DENND6A: variants seen among roughly 807,000 people sequenced by gnomAD.
DENND6A encodes the protein protein DENND6A.
DENND6A carries 43 observed loss-of-function variants against 95.5 expected under a neutral mutation model. That is an observed-to-expected ratio of 0.45 (90% confidence interval 0.35 to 0.58). The LOEUF is 0.58. Ranked by LOEUF, DENND6A falls within the 20% of genes least tolerant of loss-of-function variation. The pLI is 0.00. For missense variants in DENND6A, 574 were observed against 736.0 expected (o/e 0.78, Z 2.55); for synonymous variants, 257 against 260.4 (o/e 0.99, Z 0.13).
chr3:57,651,268 C>T (rs942565601), intron 9 of DENND6A, among the ~76,000 whole-genome samples: 14 of 152,154 alleles, frequency 9.2e-5, no homozygotes, highest in African/African-American at 3.4e-4. Context: ...ATATCAAAAA[C>T]GCACTTTCAA....
intron 12 of DENND6A, 24 bp downstream of exon 12, chr3:57,641,629 C>G: frequency 6.3e-7 from 1 of 1,590,534 alleles, no homozygotes; most frequent in South Asian, 1.1e-5. Context: ...ACACTAGAAA[C>G]AGAACACCAA....
Position 57,672,325 on chromosome 3 carries a change from T to TG in DENND6A, c.277-28dup, listed in dbSNP as rs1262185562. On this transcript the variant is annotated intron_variant, in intron 2 of 19. Coordinates refer to ENST00000311128, the MANE Select transcript of DENND6A (RefSeq NM_152678.3). ...TGAAAAAGAAAACAAAAGTGATGTA[T>TG]GCTGACACATACATAATCAATAAAA... is the stretch of plus-strand genomic sequence containing the variant. 10 of 1,610,642 alleles carry TG rather than the reference T, an allele frequency of 6.2e-6. No homozygotes were observed. The Admixed American group carries it at 1.3e-4, about 22-fold the overall frequency.
chr3:57,640,573 G>A (rs1489877036), intron 12 of DENND6A, among the ~76,000 whole-genome samples: 1 of 152,150 alleles, frequency 6.6e-6, no homozygotes, highest in Non-Finnish European at 1.5e-5. Flanking sequence ...GTGAGACTCT[G>A]TCACATAAAT....
At chr3:57,683,241 T>C (rs1489977212) in intron 1 of DENND6A, among the ~76,000 whole-genome samples, 2 of 152,196 alleles carry the variant, frequency 1.3e-5, no homozygotes, top group African/African-American at 4.8e-5. Flanking sequence ...AGAATTCAAA[T>C]AAACTAGACC....
At chr3:57,648,819 G>C (rs2071133471) in intron 9 of DENND6A, among the ~76,000 whole-genome samples, 1 of 152,172 alleles carries the variant, frequency 6.6e-6, no homozygotes, top group Non-Finnish European at 1.5e-5. Context: ...GCCACATGTA[G>C]AAGAATGAAA....
At chr3:57,682,836 C>T (rs2077178622) in intron 1 of DENND6A, among the ~76,000 whole-genome samples, 1 of 152,070 alleles carries the variant, frequency 6.6e-6, no homozygotes, top group Non-Finnish European at 1.5e-5. Context: ...ACATCCCGCC[C>T]GGCTAATTTT....
intron 1 of DENND6A, among the ~76,000 whole-genome samples, chr3:57,675,959 G>C (rs1448467297): frequency 6.6e-6 from 1 of 152,048 alleles, no homozygotes; most frequent in African/African-American, 2.4e-5. Flanking sequence ...AGGCCACCTG[G>C]TGGTACTAAT....
At chr3:57,662,179 T>A (rs575269115) in intron 5 of DENND6A, among the ~76,000 whole-genome samples, 55 of 115,716 alleles carry the variant, frequency 4.8e-4, no homozygotes, top group Non-Finnish European at 6.9e-4. Context: ...CTTTCTTTTC[T>A]TTTTTCTTTT....
At chr3:57,685,469 T>C (rs1286636848) in intron 1 of DENND6A, among the ~76,000 whole-genome samples, 4 of 152,152 alleles carry the variant, frequency 2.6e-5, no homozygotes, top group South Asian at 2.1e-4. Context: ...ACTTACTCAG[T>C]TGGACATCCC....
intron 1 of DENND6A, among the ~76,000 whole-genome samples, chr3:57,674,979 T>A (rs913752553): frequency 6.6e-6 from 1 of 151,922 alleles, no homozygotes; most frequent in Non-Finnish European, 1.5e-5. Flanking sequence ...TACTTGATGG[T>A]GGAGGGTGGG....
At chr3:57,678,076 A>T (rs1485782602) in intron 1 of DENND6A, among the ~76,000 whole-genome samples, 1 of 152,192 alleles carries the variant, frequency 6.6e-6, no homozygotes, top group East Asian at 1.9e-4. Flanking sequence ...TTATTTAGCC[A>T]TTCCTAAAGG....
Position 57,670,019 on chromosome 3 carries a change from C to CAA in DENND6A, c.319+2235_319+2236dup, listed in dbSNP as rs780880587. Among the ~76,000 whole-genome samples, 198 of 57,640 alleles carry CAA rather than the reference C, an allele frequency of 3.4e-3. 1 individual carries two copies. Among genetic ancestry groups the CAA allele is most frequent in the African/African-American group, 9.5e-3 (130 of 13,624 alleles). 37.8% of individuals were successfully genotyped at this position (57,640 alleles called of 152,430 possible). On this transcript the variant is annotated intron_variant, in intron 3 of 19. Transcript: ENST00000311128. ...TGGGTGACAGAGCAAAACTCCATCTCAAAAAAAAAAAAAAAAAAGAAAAAA... is the reference window on the plus strand; with the variant it reads ...TGGGTGACAGAGCAAAACTCCATCTCAAAAAAAAAAAAAAAAAAAAGAAAAAA...
intron 3 of DENND6A, among the ~76,000 whole-genome samples, chr3:57,670,113 C>T (rs1250744113): frequency 6.6e-6 from 1 of 151,334 alleles, no homozygotes; most frequent in African/African-American, 2.4e-5. Context: ...ATGACACATG[C>T]AGAGGCTATA....
chr3:57,668,879 C>G (rs923464217), intron 3 of DENND6A, among the ~76,000 whole-genome samples: 1 of 151,810 alleles, frequency 6.6e-6, no homozygotes, highest in Non-Finnish European at 1.5e-5. Context: ...TACAGTAATC[C>G]TTTTTTTTCT....
chr3:57,677,700 T>C (rs780251349), intron 1 of DENND6A, among the ~76,000 whole-genome samples: 2 of 152,054 alleles, frequency 1.3e-5, no homozygotes, highest in Non-Finnish European at 2.9e-5. Context: ...ACCTCCCAAA[T>C]TGCTGGGATT....
intron 1 of DENND6A, among the ~76,000 whole-genome samples, chr3:57,684,668 A>G (rs1465047523): frequency 6.6e-6 from 1 of 152,210 alleles, no homozygotes; most frequent in Non-Finnish European, 1.5e-5. Flanking sequence ...CCTGTAGTCC[A>G]GCTACTTGAC....
chr3:57,670,903 A>G (rs2071605490), intron 3 of DENND6A, among the ~76,000 whole-genome samples: 1 of 152,236 alleles, frequency 6.6e-6, no homozygotes, highest in Admixed American at 6.5e-5. Flanking sequence ...CACAGTATAT[A>G]AGAAGTGTAT....
Position 57,634,716 on chromosome 3 carries a change from C to A in DENND6A, c.1186G>T (p.Asp396Tyr). The part of the protein sequence containing the change: ...VKKLKNLKTL[D>Y]SKPGVYTSYK... The stretch of plus-strand genomic sequence containing the variant: ...TAAAAGTCAATACCAGGTTTGGAAT[C>A]CAGAGTCTTTAGATTCTTCAGTTTT... Residue 396 changes from aspartate to tyrosine, a missense_variant, in exon 13 of 20, where the codon GAT becomes TAT. This residue lies in a region of DENND6A where 452 missense variants were observed against 630.9 expected (regional missense o/e 0.72). Transcript: ENST00000311128. The A allele has an allele frequency of 6.4e-7, 1 of 1,565,286 alleles. No homozygotes were observed. Among genetic ancestry groups the A allele is most frequent in the Non-Finnish European group, 8.7e-7 (1 of 1,155,670 alleles).
At chr3:57,647,502 C>G (rs1463293038) in intron 9 of DENND6A, among the ~76,000 whole-genome samples, 1 of 152,048 alleles carries the variant, frequency 6.6e-6, no homozygotes, top group East Asian at 1.9e-4. Flanking sequence ...CTGCTGGAGC[C>G]CAAATGTGGT....
Sources: allele counts gnomAD v4.1 joint callset (sites outside exome capture counted in the v4.1 genomes callset), GRCh38; gene constraint gnomAD v4.1.1; regional missense constraint gnomAD v4.1.1; transcripts MANE v1.5; gene names NCBI Gene and HGNC (gene_info 2026-07-23, HGNC 2026-07-21).